The following CPNE4 variants were observed in gnomAD, a reference collection of about 807,000 sequenced individuals.
CPNE4 encodes the protein copine-4.
A neutral mutation model predicts 67.9 loss-of-function variants in CPNE4; 25 were observed. The ratio of observed to expected loss-of-function variants is 0.37; its 90% confidence interval spans 0.27 to 0.51. CPNE4 has a LOEUF of 0.51. CPNE4 is among the 20% of genes least tolerant of loss of function. The pLI, the probability that CPNE4 is intolerant of heterozygous loss-of-function variation, is 0.93. For synonymous variants in CPNE4, 242 were observed against 244.9 expected (o/e 0.99, Z 0.11); for missense variants, 464 against 690.8 (o/e 0.67, Z 3.68).
chr3:131,591,484 T>G (rs1408270787), intron 7 of CPNE4, among the ~76,000 whole-genome samples: 1 of 152,124 alleles, frequency 6.6e-6, no homozygotes, highest in Non-Finnish European at 1.5e-5. Context: ...TGTTCCCCCT[T>G]AAGCTGCCAA....
At chr3:131,792,650 TATATA>T (rs2083771309) in intron 2 of CPNE4, among the ~76,000 whole-genome samples, 1 of 84,530 alleles carries the variant, frequency 1.2e-5, no homozygotes, top group Non-Finnish European at 2.4e-5. Flanking sequence ...TATATATGTA[TATATA>T]CACACGTGTA....
Position 131,905,289 on chromosome 3 carries a change from A to G in CPNE4, c.155T>C (p.Met52Thr). The change falls in exon 2 of 16, where the codon ATG becomes ACG. Residue 52 changes from methionine (M) to threonine (T), a missense_variant. This residue lies in a region of CPNE4 where 170 missense variants were observed against 203.3 expected (regional missense o/e 0.84). Coordinates refer to ENST00000429747, the MANE Select transcript of CPNE4 (RefSeq NM_130808.3). ...CTCAAACCACTGCCCATGAGACTGC[A>G]TCTTGAGGATGACACAGGGGTCTGG... is the stretch of plus-strand genomic sequence containing the variant. Reference protein sequence around the residue: ...SKPDPCVILKMQSHGQWFEVD... With the variant: ...SKPDPCVILKTQSHGQWFEVD... 1 of 1,613,418 alleles carries G rather than the reference A, an allele frequency of 6.2e-7. No homozygotes were observed. The highest frequency in any genetic ancestry group is 2.2e-5 in the East Asian group (1 of 44,850).
intron 1 of CPNE4, among the ~76,000 whole-genome samples, chr3:131,941,255 C>A: frequency 6.6e-6 from 1 of 151,722 alleles, no homozygotes; most frequent in African/African-American, 2.4e-5. Context: ...TAATAAATAC[C>A]CCAAAAGCAT....
chr3:131,914,380 A>G (rs2089102001), intron 1 of CPNE4, among the ~76,000 whole-genome samples: 2 of 152,096 alleles, frequency 1.3e-5, no homozygotes. Context: ...GCTTCCCTGA[A>G]TGTCACCTGG....
intron 6 of CPNE4, among the ~76,000 whole-genome samples, chr3:131,677,196 T>C (rs967584139): frequency 6.6e-6 from 1 of 152,086 alleles, no homozygotes; most frequent in Non-Finnish European, 1.5e-5. Flanking sequence ...GAGGTGTCTG[T>C]TCATGTTCTT....
At chr3:131,909,289 C>A (rs561157235) in intron 1 of CPNE4, among the ~76,000 whole-genome samples, 2 of 152,210 alleles carry the variant, frequency 1.3e-5, no homozygotes, top group African/African-American at 4.8e-5. Context: ...ATTCTTCAAT[C>A]AGTGTTCTTT....
intron 1 of CPNE4, among the ~76,000 whole-genome samples, chr3:131,990,777 G>T (rs2073158353): frequency 7.4e-6 from 1 of 135,380 alleles, no homozygotes; most frequent in Non-Finnish European, 1.7e-5. Flanking sequence ...GATTCATATG[G>T]CTTGGCTGTG....
chr3:131,847,729 T>C (rs1049214532), intron 2 of CPNE4, among the ~76,000 whole-genome samples: 21 of 152,168 alleles, frequency 1.4e-4, no homozygotes, highest in African/African-American at 5.1e-4. Context: ...GCTGTTTCTC[T>C]TTTTTCTTAA....
intron 2 of CPNE4, among the ~76,000 whole-genome samples, chr3:131,898,722 C>T (rs1166664627): frequency 6.6e-6 from 1 of 152,052 alleles, no homozygotes; most frequent in South Asian, 2.1e-4. Flanking sequence ...AGGCACATGA[C>T]CCCAGGCAAC....
intron 1 of CPNE4, among the ~76,000 whole-genome samples, chr3:132,009,855 T>C (rs2073706538): frequency 6.6e-6 from 1 of 152,200 alleles, no homozygotes; most frequent in South Asian, 2.1e-4. Context: ...GAAGCTGCTA[T>C]TAGGACCAAG....
intron 2 of CPNE4, among the ~76,000 whole-genome samples, chr3:131,886,856 T>C (rs186929618): frequency 8.4e-4 from 128 of 152,332 alleles, no homozygotes; most frequent in Middle Eastern, 6.8e-3. Flanking sequence ...TGTACCCCCA[T>C]CATATTTGGA....
chr3:131,554,226 C>T (rs76779792), intron 12 of CPNE4, among the ~76,000 whole-genome samples: 2,091 of 152,088 alleles, frequency 0.014, 71 homozygotes, highest in East Asian at 0.12. Context: ...TTTACATTCC[C>T]GATTTGAAGG....
intron 2 of CPNE4, among the ~76,000 whole-genome samples, chr3:131,896,069 T>C (rs763547320): frequency 1.5e-4 from 23 of 151,966 alleles, no homozygotes; most frequent in Non-Finnish European, 2.4e-4. Flanking sequence ...TACAGGGTGA[T>C]TGGGGCCAGA....
chr3:131,992,159 C>T lies in CPNE4; in HGVS notation c.-2+42408G>A, dbSNP rs1434226035. ...GCCTAGTGGAGCTGTGAGAAGAGGGCCACCATCATCAGGACTCCAGAATTG... is the reference window on the plus strand; with the variant it reads ...GCCTAGTGGAGCTGTGAGAAGAGGGTCACCATCATCAGGACTCCAGAATTG... On this transcript the variant is annotated intron_variant, in intron 1 of 15. Transcript: ENST00000429747. Among the ~76,000 whole-genome samples the T allele has an allele frequency of 5.9e-5, 8 of 135,966 alleles. 1 individual carries two copies. The South Asian group carries it at 2.1e-3, about 35-fold the overall frequency. 89.2% of individuals were successfully genotyped at this position (135,966 alleles called of 152,430 possible).
At chr3:131,657,097 C>G (rs963308060) in intron 7 of CPNE4, among the ~76,000 whole-genome samples, 6 of 152,112 alleles carry the variant, frequency 3.9e-5, no homozygotes, top group African/African-American at 1.4e-4. Flanking sequence ...AAGAATTTAC[C>G]ATTATTTGTT....
intron 5 of CPNE4, among the ~76,000 whole-genome samples, chr3:131,691,689 T>G (rs1053112470): frequency 4.6e-5 from 7 of 152,152 alleles, no homozygotes; most frequent in Admixed American, 2.6e-4. Flanking sequence ...AATCTCTGCA[T>G]CTAAAATAAA....
At chr3:131,651,554 G>A (rs923695379) in intron 7 of CPNE4, among the ~76,000 whole-genome samples, 13 of 152,182 alleles carry the variant, frequency 8.5e-5, no homozygotes, top group Non-Finnish European at 1.9e-4. Flanking sequence ...AGAAACACAA[G>A]GCTTTAGGAA....
At chr3:131,895,294 C>T (rs1022833305) in intron 2 of CPNE4, among the ~76,000 whole-genome samples, 1 of 151,906 alleles carries the variant, frequency 6.6e-6, no homozygotes, top group East Asian at 1.9e-4. Flanking sequence ...TGTTTTAATG[C>T]ACAGTAGAGT....
intron 7 of CPNE4, among the ~76,000 whole-genome samples, chr3:131,629,235 T>C (rs889230787): frequency 6.6e-6 from 1 of 152,074 alleles, no homozygotes; most frequent in African/African-American, 2.4e-5. Context: ...CCACAACACG[T>C]AGGAATTCTG....
Sources: gnomAD v4.1 joint callset for allele counts (sites outside exome capture counted in the v4.1 genomes callset) on GRCh38, gnomAD v4.1.1 for gene constraint, gnomAD v4.1.1 regional missense constraint, MANE v1.5 for transcripts, NCBI Gene and HGNC (gene_info 2026-07-23, HGNC 2026-07-21) for gene names.